Variants in SATB2 observed in about 807,000 individuals in gnomAD.
SATB2 encodes SATB homeobox 2, also known as DNA-binding protein SATB2.
A neutral mutation model predicts 73.4 loss-of-function variants in SATB2; 1 was observed. The ratio of observed to expected loss-of-function variants is 0.01; its 90% CI spans 0.00 to 0.06. The LOEUF (loss-of-function observed/expected upper bound fraction) is 0.06, where lower values mean the gene tolerates loss of function less well. Ranked by LOEUF, SATB2 falls within the 10% of genes least tolerant of loss-of-function variation. The pLI is 1.00. For synonymous variants in SATB2, 397 were observed against 367.0 expected (o/e 1.08, Z -0.93); for missense variants, 459 against 945.8 (o/e 0.49, Z 6.75).
chr2:199,463,567 C>G lies in SATB2; in HGVS notation c.-141+1269G>C, dbSNP rs897072219. On this transcript the variant is annotated intron_variant, in intron 1 of 11. Coordinates refer to the SATB2 transcript ENST00000260926. This position sits in a 1 kb window ranked among gnomAD's most constrained non-coding sequence, Gnocchi z 6.4. ...GAGCCCCAGCGTCCTCTCCCGACAG[C>G]GCCACCGCGTGGGCTGAGGCCGAAA... is the stretch of plus-strand genomic sequence containing the variant. Among the ~76,000 whole-genome samples, 16 of 152,162 alleles carry G rather than the reference C, an allele frequency of 1.1e-4. No individual in the cohort carries two copies. The highest frequency in any genetic ancestry group is 1.5e-4 in the Non-Finnish European group (10 of 68,028).
chr2:199,344,475 T>C (rs1296428910), intron 7 of SATB2, among the ~76,000 whole-genome samples: 1 of 152,178 alleles, frequency 6.6e-6, no homozygotes, highest in Non-Finnish European at 1.5e-5. Context: ...TGAGAGTCTC[T>C]CAGGACCTCC....
At chr2:199,349,289 C>A (rs534050607) in intron 6 of SATB2, 116 bp from the exon 7 acceptor site, 70 of 803,844 alleles carry the variant, frequency 8.7e-5, no homozygotes, top group Non-Finnish European at 1.4e-4. Flanking sequence ...AACATTTTTT[C>A]ATACAACGAT....
intron 10 of SATB2, among the ~76,000 whole-genome samples, chr2:199,285,781 A>T (rs1237754127): frequency 6.6e-6 from 1 of 151,972 alleles, no homozygotes; most frequent in Non-Finnish European, 1.5e-5. Flanking sequence ...GGCAGTCAAC[A>T]AAAGAAGACC....
At chr2:199,459,159 CTG>C, upstream of SATB2, among the ~76,000 whole-genome samples, 1 of 152,184 alleles carries the variant, frequency 6.6e-6, no homozygotes, top group Non-Finnish European at 1.5e-5. The surrounding 1 kb of genome is among the most constrained non-coding windows in gnomAD (Gnocchi z 4.2). Context: ...GGCTACAGGA[CTG>C]GGGCTCCTGG....
At chr2:199,318,518 G>A (rs1687796658) in intron 9 of SATB2, among the ~76,000 whole-genome samples, 1 of 151,882 alleles carries the variant, frequency 6.6e-6, no homozygotes, top group Non-Finnish European at 1.5e-5. Context: ...ATATCAATTA[G>A]GACATAAACA....
intron 10 of SATB2, among the ~76,000 whole-genome samples, chr2:199,291,939 AAAAC>A (rs1427687754): frequency 6.6e-6 from 1 of 152,060 alleles, no homozygotes; most frequent in Non-Finnish European, 1.5e-5. Context: ...AATAAAAACA[AAAAC>A]AAACAAACAA....
At chr2:199,296,127 A>G (rs940574982) in intron 10 of SATB2, among the ~76,000 whole-genome samples, 5 of 152,230 alleles carry the variant, frequency 3.3e-5, no homozygotes, top group Non-Finnish European at 5.9e-5. Context: ...TGCCAAAACT[A>G]TCAGTCATAA....
intron 3 of SATB2, among the ~76,000 whole-genome samples, chr2:199,382,287 G>A (rs1173161246): frequency 6.6e-6 from 1 of 152,132 alleles, no homozygotes; most frequent in Non-Finnish European, 1.5e-5. Context: ...TTCCCAGTGC[G>A]AACAGCATTT....
intron 10 of SATB2, among the ~76,000 whole-genome samples, chr2:199,293,389 G>A (rs1268997323): frequency 4.0e-5 from 6 of 151,850 alleles, no homozygotes; most frequent in Admixed American, 3.9e-4. Context: ...TCAAAAACTC[G>A]AGTAGCCCAA....
intron 3 of SATB2, among the ~76,000 whole-genome samples, chr2:199,392,839 T>C (rs1336760097): frequency 2.0e-5 from 3 of 152,196 alleles, no homozygotes; most frequent in Non-Finnish European, 2.9e-5. Flanking sequence ...TAAAGTCCTG[T>C]ATAAACATAT....
intron 10 of SATB2, among the ~76,000 whole-genome samples, chr2:199,281,916 C>T (rs1692513357): frequency 2.1e-5 from 3 of 142,146 alleles, no homozygotes. Flanking sequence ...GGGTCTTGCT[C>T]TGTCGCCCAG....
upstream of SATB2, among the ~76,000 whole-genome samples, chr2:199,461,369 G>A (rs538278732): frequency 6.6e-6 from 1 of 152,268 alleles, no homozygotes; most frequent in Non-Finnish European, 1.5e-5. Context: ...CCTTTCGCTA[G>A]AATTTTGTAT....
upstream of SATB2, chr2:199,460,327 G>A (rs1692448285): frequency 2.0e-5 from 3 of 152,340 alleles, no homozygotes; most frequent in Admixed American, 1.3e-4. The surrounding 1 kb of genome is among the most constrained non-coding windows in gnomAD (Gnocchi z 4.0). Context: ...GTAATATGTC[G>A]AAATGGGAAG....
At chr2:199,327,293 T>C (rs570764147) in intron 8 of SATB2, among the ~76,000 whole-genome samples, 1 of 152,088 alleles carries the variant, frequency 6.6e-6, no homozygotes, top group South Asian at 2.1e-4. Context: ...TACAAAAAAT[T>C]ACCCTGGTGT....
chr2:199,287,644 G>C (rs1356953603), intron 10 of SATB2, among the ~76,000 whole-genome samples: 1 of 151,960 alleles, frequency 6.6e-6, no homozygotes, highest in Non-Finnish European at 1.5e-5. Flanking sequence ...AATTATGTAA[G>C]CTTCACTGAA....
upstream of SATB2, among the ~76,000 whole-genome samples, chr2:199,466,090 T>A (rs539402267): frequency 6.6e-6 from 1 of 152,346 alleles, no homozygotes; most frequent in South Asian, 2.1e-4. Flanking sequence ...ACCCAAAGTC[T>A]GCTGAGGGCT....
intron 3 of SATB2, among the ~76,000 whole-genome samples, chr2:199,405,678 A>G (rs906866221): frequency 6.6e-6 from 1 of 152,208 alleles, no homozygotes; most frequent in Non-Finnish European, 1.5e-5. Flanking sequence ...ACCTTCACAC[A>G]TATAACTGTA....
At chr2:199,385,771 C>T (rs1689912883) in intron 3 of SATB2, among the ~76,000 whole-genome samples, 1 of 152,152 alleles carries the variant, frequency 6.6e-6, no homozygotes, top group African/African-American at 2.4e-5. Flanking sequence ...CCGTGAATGC[C>T]TGACTCAGTA....
chr2:199,458,976 G>A (rs907673698), upstream of SATB2, among the ~76,000 whole-genome samples: 5 of 152,108 alleles, frequency 3.3e-5, no homozygotes, highest in Non-Finnish European at 5.9e-5. Context: ...ACTGCCCGCC[G>A]GGCTGTGGGT....
Sources: gnomAD v4.1 joint callset for allele counts (sites outside exome capture counted in the v4.1 genomes callset) on GRCh38, gnomAD v4.1.1 for gene constraint, Gnocchi (gnomAD v3.1) non-coding constraint, MANE v1.5 for transcripts, NCBI Gene and HGNC (gene_info 2026-07-23, HGNC 2026-07-21) for gene names.